SERHL2: variants seen among roughly 807,000 people sequenced by gnomAD.
SERHL2 encodes serine hydrolase like 2.
In SERHL2, 29 loss-of-function variants were observed where a neutral mutation model predicts 25.5. That is an observed-to-expected ratio of 1.14 (90% CI 0.85 to 1.55). The LOEUF is 1.55. Ranked by LOEUF, SERHL2 falls within the 40% of genes most tolerant of loss-of-function variation. SERHL2 has a pLI of 0.00. For synonymous variants in SERHL2, 95 were observed against 103.5 expected (o/e 0.92, Z 0.50); for missense variants, 240 against 252.3 (o/e 0.95, Z 0.33).
chr22:42,570,868 G>A (rs2146751642), intron 9 of SERHL2, among the ~76,000 whole-genome samples: 1 of 152,154 alleles, frequency 6.6e-6, no homozygotes, highest in Admixed American at 6.5e-5. Context: ...AAGGAGTATG[G>A]GAAATGGAGT....
chr22:42,559,561 G>C (rs1375023688), intron 7 of SERHL2, among the ~76,000 whole-genome samples: 1 of 151,578 alleles, frequency 6.6e-6, no homozygotes, highest in African/African-American at 2.4e-5. Flanking sequence ...AATTAGCCAA[G>C]CGTGGTGGTG....
chr22:42,565,327 ATCT>A (rs1448335121), intron 8 of SERHL2: 2 of 111,670 alleles, frequency 1.8e-5, no homozygotes, highest in Admixed American at 8.1e-5. Context: ...TCACCCTCAC[ATCT>A]TTTTTTTTTT....
chr22:42,573,928 C>T lies in SERHL2; in HGVS notation c.826-8C>T, dbSNP rs1569287445. 2 of 1,605,942 alleles carry T rather than the reference C, an allele frequency of 1.2e-6. No individual in the cohort carries two copies. The highest frequency in any genetic ancestry group is 2.2e-5 in the East Asian group (1 of 44,752). ...CACACCTCACCACCCACCCCCTCCC[C>T]TCTCCAGCAGTTCCAGTTTGTGGAA... On this transcript the variant is annotated splice_polypyrimidine_tract_variant and splice_region_variant and intron_variant, in intron 11 of 11. Transcript: ENST00000327678.
Position 42,571,115 on chromosome 22 carries a change from C to T in SERHL2, c.649-6C>T. 1 of 1,613,358 alleles carries T rather than the reference C, an allele frequency of 6.2e-7. No individual in the cohort carries two copies. Among genetic ancestry groups the T allele is most frequent in the Non-Finnish European group, 8.5e-7 (1 of 1,179,592 alleles). Reference sequence around the variant, plus strand: ...ACGAGAATTCACCATGTTTTTGTCTCTGCAGGCAGAGAACAGCATTGACTT... The same window carrying T: ...ACGAGAATTCACCATGTTTTTGTCTTTGCAGGCAGAGAACAGCATTGACTT... On this transcript the variant is annotated splice_region_variant and splice_polypyrimidine_tract_variant and intron_variant, in intron 9 of 11. Transcript: ENST00000327678.
At chr22:42,560,431 A>C (rs1922546985) in intron 8 of SERHL2, among the ~76,000 whole-genome samples, 166 bp downstream of exon 8, 1 of 151,990 alleles carries the variant, frequency 6.6e-6, no homozygotes, top group African/African-American at 2.4e-5. Flanking sequence ...GGAGAAACCA[A>C]GGCTCAGCAT....
At chr22:42,564,967 C>CGCGCGCGTGTGTGTGT (rs1555999435) in intron 8 of SERHL2, 1 of 150,528 alleles carries the variant, frequency 6.6e-6, no homozygotes, top group Non-Finnish European at 1.5e-5. Flanking sequence ...TCGGCGCGCG[C>CGCGCGCGTGTGTGTGT]GTGTGTGTGT....
intron 9 of SERHL2, chr22:42,569,741 C>G (rs1267402352): frequency 6.6e-6 from 1 of 151,784 alleles, no homozygotes; most frequent in Non-Finnish European, 1.5e-5. Context: ...AGGGAAGGCA[C>G]TTCAGGTCAT....
At chr22:42,568,254 C>G (rs111744499) in intron 9 of SERHL2, among the ~76,000 whole-genome samples, 6 of 151,870 alleles carry the variant, frequency 4.0e-5, no homozygotes, top group Non-Finnish European at 8.8e-5. Context: ...AATGCCTGGG[C>G]TCAAGCTATC....
chr22:42,557,557 CAAAAAAAAAAAAAAA>C (rs3046378), intron 6 of SERHL2, among the ~76,000 whole-genome samples: 2 of 45,500 alleles, frequency 4.4e-5, no homozygotes, highest in African/African-American at 9.4e-5. Flanking sequence ...CTCCGTCTCC[CAAAAAAAAAAAAAAA>C]AAAAAAAAAA....
intron 1 of SERHL2, among the ~76,000 whole-genome samples, chr22:42,554,292 G>C (rs1287060196): frequency 6.6e-6 from 1 of 152,146 alleles, no homozygotes; most frequent in Non-Finnish European, 1.5e-5. Flanking sequence ...TGGGTGTCGG[G>C]GGTGCGCAAG....
intron 8 of SERHL2, 93 bp from the exon 9 acceptor site, chr22:42,566,211 G>A (rs1018684718): frequency 8.5e-6 from 11 of 1,296,310 alleles, no homozygotes; most frequent in Non-Finnish European, 1.2e-5. Flanking sequence ...GGCCCTGGCT[G>A]CAAAGGCCTG....
At chr22:42,561,855 G>A (rs1262776029) in intron 8 of SERHL2, among the ~76,000 whole-genome samples, 1 of 151,774 alleles carries the variant, frequency 6.6e-6, no homozygotes, top group East Asian at 1.9e-4. Context: ...GGAGGTCAAG[G>A]ACCCCGGGCC....
At chr22:42,563,921 A>C (rs773430853) in intron 8 of SERHL2, among the ~76,000 whole-genome samples, 1 of 151,794 alleles carries the variant, frequency 6.6e-6, no homozygotes, top group Non-Finnish European at 1.5e-5. Flanking sequence ...TAAAAATACA[A>C]AAGTAGTTGG....
chr22:42,568,655 TTTTTAAGTTTCTGGCCAGCTAAG>T (rs1349471711), intron 9 of SERHL2, among the ~76,000 whole-genome samples: 3 of 151,894 alleles, frequency 2.0e-5, no homozygotes, highest in Non-Finnish European at 2.9e-5. Flanking sequence ...TCTCTTTTAT[TTTTTAAGTTTCTGGCCAGCTAAG>T]TTTTAAGTTT....
intron 9 of SERHL2, chr22:42,569,715 T>C (rs541225287): frequency 5.3e-5 from 8 of 151,882 alleles, no homozygotes; most frequent in African/African-American, 1.9e-4. Flanking sequence ...GGGAACAGTA[T>C]GGGAACCCCT....
rs3213549 is a variant in SERHL2, at chr22:42,554,027, G to A, written c.7G>A (p.Glu3Lys). Residue 3 changes from glutamate to lysine, a missense_variant, in exon 1 of 12, where the codon GAG (glutamate) becomes AAG (lysine). By Grantham distance (56) the Glu-to-Lys change is moderately conservative. Transcript: ENST00000327678. ...CATTCGCGGGACGAGAGCGATGAGT[G>A]AGAACGCCGCACCAGGTCTGACGGG... MS[E>K]NAAPGLISEL... 1,037 of 1,613,648 alleles carry A rather than the reference G, an allele frequency of 6.4e-4. 9 individuals carry two copies. In the East Asian group the frequency reaches 0.02, roughly 31 times the overall value.
At chr22:42,570,732 G>A (rs1924054874) in intron 9 of SERHL2, among the ~76,000 whole-genome samples, 1 of 152,190 alleles carries the variant, frequency 6.6e-6, no homozygotes, top group South Asian at 2.1e-4. Flanking sequence ...GCAGGGGACA[G>A]CGTGAGGTGC....
intron 10 of SERHL2, chr22:42,571,448 C>T (rs1601859394): frequency 8.3e-6 from 11 of 1,332,832 alleles, no homozygotes; most frequent in South Asian, 1.7e-5. Flanking sequence ...CAGGTGTCAG[C>T]GGGGGGCATG....
chr22:42,554,143 C>G, intron 1 of SERHL2, 101 bp downstream of exon 1: 1 of 1,401,592 alleles, frequency 7.1e-7, no homozygotes, highest in Non-Finnish European at 9.9e-7. Context: ...GACCGCGTCG[C>G]CCTCCTGGGT....
Sources: allele counts gnomAD v4.1 joint callset (sites outside exome capture counted in the v4.1 genomes callset), GRCh38; gene constraint gnomAD v4.1.1; transcripts MANE v1.5; gene names NCBI Gene and HGNC (gene_info 2026-07-23, HGNC 2026-07-21).